JAK1: variants seen among roughly 807,000 people sequenced by gnomAD.
JAK1 encodes Janus kinase 1, also known as tyrosine-protein kinase JAK1.
Under a neutral mutation model 136.6 loss-of-function variants are expected in JAK1, and 16 were observed. The ratio of observed to expected loss-of-function variants is 0.12; its 90% confidence interval spans 0.08 to 0.18. JAK1 has a LOEUF of 0.18. Among genes scored for constraint, JAK1 ranks in the 10% least tolerant of loss-of-function variants. The pLI, the probability that JAK1 is intolerant of heterozygous loss-of-function variation, is 1.00. For synonymous variants in JAK1, 492 were observed against 519.5 expected, an observed-to-expected ratio of 0.95 and a Z score of 0.72; for missense variants, 859 against 1,450.1, an observed-to-expected ratio of 0.59 and a Z score of 6.62.
intron 1 of JAK1, among the ~76,000 whole-genome samples, chr1:65,064,709 T>A (rs1480336423): frequency 6.6e-6 from 1 of 152,230 alleles, no homozygotes; most frequent in Non-Finnish European, 1.5e-5. Flanking sequence ...TTATTGTTTA[T>A]GAGCCTCTCA....
intron 2 of JAK1, among the ~76,000 whole-genome samples, chr1:65,006,809 T>A (rs1646807394): frequency 6.6e-6 from 1 of 152,240 alleles, no homozygotes; most frequent in Non-Finnish European, 1.5e-5. Flanking sequence ...TCATAATATT[T>A]ACGTTGATTC....
chr1:64,929,245 T>C (rs1259050288), intron 1 of JAK1, among the ~76,000 whole-genome samples: 1 of 152,168 alleles, frequency 6.6e-6, no homozygotes, highest in Non-Finnish European at 1.5e-5. Flanking sequence ...ATAAAAAGAG[T>C]GACCATACAT....
chr1:64,953,118 T>C (rs1457860794), intron 1 of JAK1, among the ~76,000 whole-genome samples: 1 of 152,248 alleles, frequency 6.6e-6, no homozygotes, highest in East Asian at 1.9e-4. Flanking sequence ...ATAACTTGAA[T>C]AATATTTACC....
At chr1:64,923,076 G>T (rs1645523654) in intron 1 of JAK1, among the ~76,000 whole-genome samples, 1 of 152,136 alleles carries the variant, frequency 6.6e-6, no homozygotes, top group Admixed American at 6.5e-5. Context: ...GTTGGGGTAG[G>T]AAACAATTGC....
intron 1 of JAK1, among the ~76,000 whole-genome samples, chr1:64,927,215 C>T (rs1645597888): frequency 6.6e-6 from 1 of 152,192 alleles, no homozygotes; most frequent in Admixed American, 6.5e-5. Flanking sequence ...CCCGTGTCCC[C>T]TCCCCCCACT....
rs151194507 is a variant in JAK1 at position 65,029,765 on chromosome 1, G to A, written c.-78+14715C>T. Among the ~76,000 whole-genome samples, 44 of 152,210 alleles carry A rather than the reference G, an allele frequency of 2.9e-4. 2 individuals carry two copies. Among genetic ancestry groups the A allele is most frequent in the African/African-American group, 8.9e-4 (37 of 41,528 alleles). ...CAAGTGTGAGCTAAATGATGAGAAC[G>A]CATGGACACATAGAGGGGAACAAGA... is the stretch of plus-strand genomic sequence containing the variant. On this transcript the variant is annotated intron_variant, in intron 2 of 25. Transcript: ENST00000671954.
chr1:64,909,699 C>CT (rs1406407855), intron 1 of JAK1, among the ~76,000 whole-genome samples: 2 of 151,988 alleles, frequency 1.3e-5, no homozygotes, highest in Non-Finnish European at 2.9e-5. Flanking sequence ...TGGCACATGC[C>CT]TGTAGTCCCA....
intron 8 of JAK1, among the ~76,000 whole-genome samples, chr1:64,860,713 A>G (rs1656250072): frequency 1.3e-5 from 2 of 152,038 alleles, no homozygotes; most frequent in Admixed American, 1.3e-4. Context: ...TTGGCCTCCC[A>G]AAGTGCTGGG....
intron 2 of JAK1, among the ~76,000 whole-genome samples, chr1:65,034,414 A>G (rs1379834815): frequency 6.6e-6 from 1 of 152,218 alleles, no homozygotes; most frequent in Non-Finnish European, 1.5e-5. Context: ...CAGTTATCCT[A>G]AGTGATTTTC....
At chr1:64,856,846 G>A (rs988899575) in intron 10 of JAK1, among the ~76,000 whole-genome samples, 23 of 124,424 alleles carry the variant, frequency 1.8e-4, no homozygotes, top group African/African-American at 7.9e-4. Context: ...CCAGGGGTTC[G>A]CCAATAAGCT....
At chr1:65,024,405 T>A (rs1454501964) in intron 2 of JAK1, among the ~76,000 whole-genome samples, 2 of 152,174 alleles carry the variant, frequency 1.3e-5, no homozygotes, top group African/African-American at 4.8e-5. Flanking sequence ...ACACCTTCTT[T>A]GGGGAAATGT....
intron 1 of JAK1, among the ~76,000 whole-genome samples, chr1:64,913,641 GAGGA>G (rs1204796184): frequency 3.5e-5 from 2 of 56,884 alleles, no homozygotes; most frequent in East Asian, 1.5e-3. Flanking sequence ...GGGAGGAAGG[GAGGA>G]AGGAAGGAAA....
At chr1:64,945,147 G>A (rs1645961457) in intron 1 of JAK1, among the ~76,000 whole-genome samples, 1 of 151,976 alleles carries the variant, frequency 6.6e-6, no homozygotes, top group Non-Finnish European at 1.5e-5. Flanking sequence ...ACACAAGAAG[G>A]AATCGCCTGC....
At chr1:65,058,309 G>C (rs56394547) in intron 1 of JAK1, 2 of 478,148 alleles carry the variant, frequency 4.2e-6, no homozygotes, top group Non-Finnish European at 4.3e-6. Context: ...CCTATGCCCC[G>C]GGAGAAGTAT....
In JAK1 at chr1:64,984,066, C is replaced by T. The variant is rs547317347; in HGVS notation, c.-78+60414G>A. The stretch of plus-strand genomic sequence containing the variant: ...ACCTCTTTTAAACACCTCCTTTTAA[C>T]CTCAGTTTCCTTATGTTTTCATTAT... On this transcript the variant is annotated intron_variant, in intron 2 of 25. Transcript: ENST00000671954. The surrounding 1 kb of genome is among the most constrained non-coding windows in gnomAD (Gnocchi z 4.1). Among the ~76,000 whole-genome samples the T allele has an allele frequency of 2.5e-3, 378 of 152,298 alleles. No homozygotes were observed. Among genetic ancestry groups the T allele is most frequent in the Non-Finnish European group, 4.0e-3 (269 of 68,030 alleles).
rs144701857 is a variant in JAK1 at position 65,028,087 on chromosome 1, G to A, written c.-78+16393C>T. Among the ~76,000 whole-genome samples, 510 of 152,250 alleles carry A rather than the reference G, an allele frequency of 3.3e-3. 3 individuals are homozygous for A. The highest frequency in any genetic ancestry group is 0.01 in the Middle Eastern group (3 of 294). ...ATTCCTTTGGGTGAACCCTCAGTAA[G>A]TCAATCTATGCCTTAGGTTTCTTGT... On this transcript the variant is annotated intron_variant, in intron 2 of 25. Coordinates refer to the JAK1 transcript ENST00000671954.
rs543734874 is a variant in JAK1 at position 64,908,906 on chromosome 1, G to C, written c.-77-22565C>G. 2.0e-5 allele frequency among the ~76,000 whole-genome samples: 3 copies of C among 152,246 alleles called. No homozygotes were observed. In the East Asian group the frequency reaches 5.8e-4, roughly 29 times the overall value. On this transcript the variant is annotated intron_variant, in intron 1 of 24. Coordinates refer to ENST00000342505, the MANE Select transcript of JAK1 (RefSeq NM_002227.4). Reference sequence around the variant, plus strand: ...CAGGCCAGGTCCCAGGTCTCAGAAAGCTCTATCATCAAAAAGCCCAGACCC... The same window carrying C: ...CAGGCCAGGTCCCAGGTCTCAGAAACCTCTATCATCAAAAAGCCCAGACCC...
At chr1:64,958,184 A>G (rs1646224353) in intron 1 of JAK1, among the ~76,000 whole-genome samples, 1 of 152,238 alleles carries the variant, frequency 6.6e-6, no homozygotes, top group African/African-American at 2.4e-5. Flanking sequence ...TTTGTATTTC[A>G]GCCAGCTTGT....
intron 1 of JAK1, among the ~76,000 whole-genome samples, chr1:64,892,565 A>T (rs1200656217): frequency 6.6e-6 from 1 of 152,216 alleles, no homozygotes; most frequent in Non-Finnish European, 1.5e-5. Context: ...GGTTACAGGC[A>T]TGAACCAACT....
Sources: allele counts gnomAD v4.1 joint callset (sites outside exome capture counted in the v4.1 genomes callset), GRCh38; gene constraint gnomAD v4.1.1; non-coding constraint Gnocchi (gnomAD v3.1); transcripts MANE v1.5; gene names NCBI Gene and HGNC (gene_info 2026-07-23, HGNC 2026-07-21).